The following CPM variants were observed in gnomAD, a reference collection of about 807,000 sequenced individuals.
CPM encodes carboxypeptidase M, also known as renal carboxypeptidase.
In CPM, 35 loss-of-function variants were observed where a neutral mutation model predicts 46.4. That is an observed-to-expected ratio of 0.75 (90% CI 0.58 to 1.00). CPM has a LOEUF of 1.00. Ranked by LOEUF, CPM falls within the 50% of genes least tolerant of loss-of-function variation. The pLI, the probability that CPM is intolerant of heterozygous loss-of-function variation, is 0.00. For missense variants in CPM, 422 were observed against 530.4 expected (o/e 0.80, Z 2.01); for synonymous variants, 195 against 195.3 (o/e 1.00, Z 0.01).
intron 2 of CPM, among the ~76,000 whole-genome samples, chr12:68,915,804 C>T (rs531447166): frequency 1.3e-5 from 2 of 152,274 alleles, no homozygotes; most frequent in South Asian, 2.1e-4. Context: ...TTTGGGTTAC[C>T]GAACCGAATC....
intron 6 of CPM, among the ~76,000 whole-genome samples, chr12:68,867,620 C>T (rs1144950): frequency 0.02 from 3,013 of 152,238 alleles, 38 homozygotes; most frequent in African/African-American, 0.033. Context: ...GAAAAGTGCT[C>T]AGGGGTTTTG....
rs1884931536 is a variant in CPM at position 68,855,692 on chromosome 12, T to C, written c.*745A>G. ...CTAATTATATATGGCACTTAATATC[T>C]ATTCACATGTAGCACTCATGGTGAG... is the stretch of plus-strand genomic sequence containing the variant. On this transcript the variant is annotated 3_prime_UTR_variant, in exon 9 of 9. Transcript: ENST00000551568. 6.6e-6 allele frequency: 1 copy of C among 152,062 alleles called. No homozygotes were observed. The highest frequency in any genetic ancestry group is 6.6e-5 in the Admixed American group (1 of 15,250). 9.4% of individuals were successfully genotyped at this position (152,062 alleles called of 1,614,324 possible).
chr12:68,866,897 T>C lies in CPM; in HGVS notation c.939A>G (p.Leu313=). Residue 313 remains leucine (L), a splice_region_variant and synonymous_variant, in exon 7 of 9, where the codon CTA becomes CTG. Transcript: ENST00000551568. ...AATTAATAAGAAAATTTTACAAACC[T>C]AGGTGCACCTGCTTTATATATTCAA... is the stretch of plus-strand genomic sequence containing the variant. ...SLIEYIKQVH[L]GVKGQVFDQN... is the part of the protein sequence containing the mutation. The C allele has an allele frequency of 6.2e-7, 1 of 1,611,374 alleles. No homozygotes were observed. Among genetic ancestry groups the C allele is most frequent in the South Asian group, 1.1e-5 (1 of 90,116 alleles).
chr12:68,889,204 T>G (rs1400337168), intron 2 of CPM, among the ~76,000 whole-genome samples: 4 of 152,194 alleles, frequency 2.6e-5, no homozygotes, highest in African/African-American at 9.6e-5. Context: ...AGGTAGTTGA[T>G]ATTTAGGTAC....
In CPM at chr12:68,960,689, T is replaced by C. The variant is rs190811791; in HGVS notation, c.-4+2480A>G. Among the ~76,000 whole-genome samples the C allele has an allele frequency of 1.4e-4, 22 of 152,238 alleles. No individual in the cohort carries two copies. The East Asian group carries it at 4.0e-3, about 28-fold the overall frequency. ...GGCCTTTTGTTAAAATATATATATATTAAAAATGTCAAGATGATAACAGAG... is the reference window on the plus strand; with the variant it reads ...GGCCTTTTGTTAAAATATATATATACTAAAAATGTCAAGATGATAACAGAG... On this transcript the variant is annotated intron_variant, in intron 1 of 8. Coordinates refer to the CPM transcript ENST00000546373.
At chr12:68,889,061 G>C (rs1398971834) in intron 2 of CPM, among the ~76,000 whole-genome samples, 1 of 152,186 alleles carries the variant, frequency 6.6e-6, no homozygotes, top group African/African-American at 2.4e-5. Flanking sequence ...CAATTCCTGA[G>C]CCCCAGTCTC....
chr12:68,919,819 G>A (rs12424309), intron 2 of CPM, among the ~76,000 whole-genome samples: 10,556 of 152,240 alleles, frequency 0.069, 773 homozygotes, highest in African/African-American at 0.18. Flanking sequence ...AAAAAATTAC[G>A]TGTCTGCCCC....
At chr12:68,869,122 AG>A (rs1407931448) in intron 6 of CPM, among the ~76,000 whole-genome samples, 1 of 152,226 alleles carries the variant, frequency 6.6e-6, no homozygotes, top group Non-Finnish European at 1.5e-5. Flanking sequence ...TGAATGAAGA[AG>A]GCCCTTGGTA....
chr12:68,934,009 C>T (rs1201173644), upstream of CPM, among the ~76,000 whole-genome samples: 1 of 152,098 alleles, frequency 6.6e-6, no homozygotes, highest in Admixed American at 6.5e-5. Context: ...CGAGAGAGAA[C>T]GAAGGCTTCA....
intron 1 of CPM, among the ~76,000 whole-genome samples, chr12:68,951,654 C>T (rs147343536): frequency 7.2e-5 from 11 of 152,172 alleles, no homozygotes; most frequent in Admixed American, 3.3e-4. Flanking sequence ...AAGTGCTGGC[C>T]GTGCCAGCCC....
intron 3 of CPM, among the ~76,000 whole-genome samples, chr12:68,884,443 C>A (rs1245054480): frequency 2.6e-5 from 4 of 152,146 alleles, no homozygotes; most frequent in African/African-American, 4.8e-5. Context: ...GCATGCCTGG[C>A]AAGGGCAGGC....
At chr12:68,850,751 G>A (rs907466604), downstream of CPM, 1 of 152,186 alleles carries the variant, frequency 6.6e-6, no homozygotes, top group Non-Finnish European at 1.5e-5. Context: ...AATCCAAAGG[G>A]ATGGTACGAG....
At chr12:68,870,444 G>A (rs1276089477) in intron 4 of CPM, 45 bp from the exon 5 acceptor site, 1 of 1,540,224 alleles carries the variant, frequency 6.5e-7, no homozygotes, top group Admixed American at 1.7e-5. Flanking sequence ...AGGGCATGAG[G>A]GAGTGGATTC....
chr12:68,932,633 G>C, intron 2 of CPM, 45 bp downstream of exon 2: 3 of 1,607,062 alleles, frequency 1.9e-6, no homozygotes, highest in Non-Finnish European at 1.7e-6. Context: ...AATACTGAAA[G>C]GGAGGACTGA....
At chr12:68,850,765 G>GTAT (rs1884632000), downstream of CPM, 1 of 152,158 alleles carries the variant, frequency 6.6e-6, no homozygotes, top group African/African-American at 2.4e-5. Context: ...GTACGAGGCT[G>GTAT]TATTATTTAA....
chr12:68,919,095 T>C (rs867579915), intron 2 of CPM, among the ~76,000 whole-genome samples: 5 of 152,248 alleles, frequency 3.3e-5, no homozygotes, highest in African/African-American at 1.2e-4. Flanking sequence ...TTGCACTTTG[T>C]GCACTTTGTA....
At chr12:68,934,191 G>GTT (rs575323924), upstream of CPM, among the ~76,000 whole-genome samples, 4 of 151,898 alleles carry the variant, frequency 2.6e-5, no homozygotes, top group South Asian at 8.3e-4. Flanking sequence ...GGGGGCCCGT[G>GTT]TCAAGGTCCG....
At position 68,856,394 on chromosome 12, in the gene CPM, C is replaced by T. The variant is rs201225430; in HGVS notation, c.*43G>A. 1.3e-6 allele frequency: 2 copies of T among 1,589,818 alleles called. No homozygotes were observed. Among genetic ancestry groups the T allele is most frequent in the Non-Finnish European group, 1.7e-6 (2 of 1,167,232 alleles). ...TTGCAGTAACCTGGAGTGAGCAATC[C>T]CTGATTCCAGGTGGTGATGTGGGTT... is the stretch of plus-strand genomic sequence containing the variant. On this transcript the variant is annotated 3_prime_UTR_variant, in exon 9 of 9. Transcript: ENST00000551568.
upstream of CPM, among the ~76,000 whole-genome samples, chr12:68,935,827 A>G (rs1888665249): frequency 6.6e-6 from 1 of 152,134 alleles, no homozygotes; most frequent in Non-Finnish European, 1.5e-5. Flanking sequence ...AACAAAGTGA[A>G]GGCTTGCTGA....
Sources: gnomAD v4.1 joint callset for allele counts (sites outside exome capture counted in the v4.1 genomes callset) on GRCh38, gnomAD v4.1.1 for gene constraint, MANE v1.5 for transcripts, NCBI Gene and HGNC (gene_info 2026-07-23, HGNC 2026-07-21) for gene names.